Variants in IGSF21 observed in about 807,000 individuals in gnomAD.
IGSF21 encodes the protein immunoglobulin superfamily member 21.
A neutral mutation model predicts 46.8 loss-of-function variants in IGSF21; 28 were observed. The ratio of observed to expected loss-of-function variants is 0.60; its 90% confidence interval spans 0.44 to 0.82. The LOEUF (loss-of-function observed/expected upper bound fraction) is 0.82. Among genes scored for constraint, IGSF21 ranks in the 40% least tolerant of loss-of-function variants. The probability of loss-of-function intolerance (pLI) is 0.00; values close to 1 mark genes in which losing one functional copy is unlikely to be tolerated. For missense variants in IGSF21, 624 were observed against 665.5 expected, an observed-to-expected ratio of 0.94 and a Z score of 0.69; for synonymous variants, 284 against 273.6, an observed-to-expected ratio of 1.04 and a Z score of -0.38.
At chr1:18,230,931 C>T (rs905771871) in intron 2 of IGSF21, among the ~76,000 whole-genome samples, 2 of 151,836 alleles carry the variant, frequency 1.3e-5, no homozygotes, top group African/African-American at 2.4e-5. Context: ...CCGCAGCCTG[C>T]CCCCCTCCTC....
chr1:18,123,638 G>A (rs1444904978), intron 1 of IGSF21, among the ~76,000 whole-genome samples: 2 of 152,148 alleles, frequency 1.3e-5, no homozygotes, highest in Non-Finnish European at 2.9e-5. Context: ...ACTAGAAGGG[G>A]TGATGCATGA....
At chr1:18,353,092 G>A (rs1028570151) in intron 4 of IGSF21, among the ~76,000 whole-genome samples, 3 of 151,792 alleles carry the variant, frequency 2.0e-5, no homozygotes, top group African/African-American at 4.8e-5. Flanking sequence ...CAGACGCAGC[G>A]TTTATCTCTC....
At chr1:18,341,117 TC>T (rs2085835847) in intron 4 of IGSF21, among the ~76,000 whole-genome samples, 1 of 149,080 alleles carries the variant, frequency 6.7e-6, no homozygotes, top group Non-Finnish European at 1.5e-5. Context: ...CCCCTCCTTC[TC>T]CTTCTTCTTC....
At chr1:18,210,165 A>G (rs1457012096) in intron 1 of IGSF21, among the ~76,000 whole-genome samples, 1 of 152,138 alleles carries the variant, frequency 6.6e-6, no homozygotes, top group Non-Finnish European at 1.5e-5. Flanking sequence ...TTAATGAAGT[A>G]TTAATATGAA....
At chr1:18,142,948 A>G (rs1490597462) in intron 1 of IGSF21, among the ~76,000 whole-genome samples, 4 of 152,186 alleles carry the variant, frequency 2.6e-5, no homozygotes, top group African/African-American at 9.6e-5. Flanking sequence ...ATGGGGAACC[A>G]GAGGCTGTGG....
chr1:18,372,149 C>G (rs891399814), intron 6 of IGSF21, among the ~76,000 whole-genome samples: 1 of 152,196 alleles, frequency 6.6e-6, no homozygotes, highest in Non-Finnish European at 1.5e-5. Context: ...GCCTAGTTCA[C>G]AGAGTACAGG....
intron 2 of IGSF21, among the ~76,000 whole-genome samples, chr1:18,273,067 A>ATTTTTTTTTTTTT (rs2085058984): frequency 1.5e-5 from 1 of 67,926 alleles, no homozygotes; most frequent in African/African-American, 6.8e-5. Context: ...TTTTTTTTAG[A>ATTTTTTTTTTTTT]TGGAGTCCCC....
intron 1 of IGSF21, among the ~76,000 whole-genome samples, chr1:18,132,308 C>T (rs1178329819): frequency 6.6e-6 from 1 of 152,182 alleles, no homozygotes; most frequent in East Asian, 1.9e-4. Flanking sequence ...ATAGATTTGA[C>T]CCATAGATTT....
intron 1 of IGSF21, among the ~76,000 whole-genome samples, chr1:18,122,746 G>C (rs189083955): frequency 3.7e-4 from 56 of 150,862 alleles, no homozygotes; most frequent in Non-Finnish European, 6.2e-4. Context: ...TCAGCCTCCC[G>C]AGTAGCTGGC....
intron 4 of IGSF21, among the ~76,000 whole-genome samples, chr1:18,360,155 T>C (rs2086083986): frequency 6.6e-6 from 1 of 152,216 alleles, no homozygotes; most frequent in South Asian, 2.1e-4. Flanking sequence ...ATCCAGGTTT[T>C]CGGTTGAGTT....
intron 2 of IGSF21, among the ~76,000 whole-genome samples, chr1:18,233,776 C>T (rs140363709): frequency 2.0e-4 from 31 of 152,204 alleles, no homozygotes; most frequent in East Asian, 9.7e-4. Context: ...GCAGAGACAA[C>T]GCTTTAAATG....
chr1:18,287,419 CA>C (rs546156330), intron 2 of IGSF21, among the ~76,000 whole-genome samples: 70 of 147,738 alleles, frequency 4.7e-4, no homozygotes, highest in African/African-American at 7.7e-4. Context: ...ACAAACAAAA[CA>C]AAAAAAAAAT....
At chr1:18,130,155 C>G (rs1050656359) in intron 1 of IGSF21, among the ~76,000 whole-genome samples, 1 of 152,178 alleles carries the variant, frequency 6.6e-6, no homozygotes, top group Non-Finnish European at 1.5e-5. Context: ...GCTCTAAGCA[C>G]TGGACACCAC....
intron 2 of IGSF21, among the ~76,000 whole-genome samples, chr1:18,241,301 T>C (rs375889779): frequency 6.6e-6 from 1 of 152,176 alleles, no homozygotes; most frequent in African/African-American, 2.4e-5. Flanking sequence ...TACAGGACTT[T>C]GCATTGTCTG....
chr1:18,319,169 T>C (rs1001310931), intron 3 of IGSF21, among the ~76,000 whole-genome samples: 9 of 152,212 alleles, frequency 5.9e-5, no homozygotes, highest in Non-Finnish European at 1.3e-4. Context: ...CCTTCCCTCT[T>C]GATGTTCCAC....
At chr1:18,174,544 C>G (rs906936609) in intron 1 of IGSF21, among the ~76,000 whole-genome samples, 4 of 152,200 alleles carry the variant, frequency 2.6e-5, no homozygotes, top group Admixed American at 2.6e-4. Flanking sequence ...TGTCACGACC[C>G]ACCCACATCC....
chr1:18,290,733 A>G lies in IGSF21; in HGVS notation c.184-1133A>G, dbSNP rs2085257007. Among the ~76,000 whole-genome samples the G allele has an allele frequency of 6.6e-6, 1 of 152,160 alleles. No individual in the cohort carries two copies. The highest frequency in any genetic ancestry group is 2.4e-5 in the African/African-American group (1 of 41,442). On this transcript the variant is annotated intron_variant, in intron 2 of 9. Transcript: ENST00000251296. The surrounding 1 kb of genome is among the most constrained non-coding windows in gnomAD (Gnocchi z 4.2). ...ACTCCCAGGCAGGTGACAGGGGGAC[A>G]GATTCACACTCCAATCCTCACCTTT...
intron 1 of IGSF21, among the ~76,000 whole-genome samples, chr1:18,132,545 A>G (rs935764675): frequency 1.3e-5 from 2 of 152,200 alleles, no homozygotes; most frequent in East Asian, 3.8e-4. Flanking sequence ...GATATGAGCT[A>G]ATTCCCACAC....
chr1:18,275,872 C>A (rs992177014), intron 2 of IGSF21, among the ~76,000 whole-genome samples: 1 of 152,160 alleles, frequency 6.6e-6, no homozygotes, highest in Non-Finnish European at 1.5e-5. Flanking sequence ...CTCTTGGATT[C>A]AGGGAGACCT....
Sources: gnomAD v4.1 joint callset for allele counts (sites outside exome capture counted in the v4.1 genomes callset) on GRCh38, gnomAD v4.1.1 for gene constraint, Gnocchi (gnomAD v3.1) non-coding constraint, MANE v1.5 for transcripts, NCBI Gene and HGNC (gene_info 2026-07-23, HGNC 2026-07-21) for gene names.